The following LOXL2 variants were observed in gnomAD, a reference collection of about 807,000 sequenced individuals.
The protein encoded by LOXL2 is lysyl oxidase homolog 2.
LOXL2 carries 70 observed loss-of-function variants against 93.0 expected under a neutral mutation model. The ratio of observed to expected loss-of-function variants is 0.75; its 90% CI spans 0.62 to 0.92. The LOEUF (loss-of-function observed/expected upper bound fraction) is 0.92, where lower values mean the gene tolerates loss of function less well. Ranked by LOEUF, LOXL2 falls within the 40% of genes least tolerant of loss-of-function variation. LOXL2 has a pLI of 0.00. For missense variants in LOXL2, 973 were observed against 1,054.9 expected, an observed-to-expected ratio of 0.92 and a Z score of 1.08; for synonymous variants, 438 against 413.2, an observed-to-expected ratio of 1.06 and a Z score of -0.73.
At chr8:23,353,819 G>T (rs1019187364) in intron 3 of LOXL2, among the ~76,000 whole-genome samples, 1 of 152,154 alleles carries the variant, frequency 6.6e-6, no homozygotes, top group African/African-American at 2.4e-5. Context: ...AGAAACCATT[G>T]CCACTGAACT....
At chr8:23,324,835 G>T (rs1413007116) in intron 6 of LOXL2, among the ~76,000 whole-genome samples, 1 of 152,218 alleles carries the variant, frequency 6.6e-6, no homozygotes, top group African/African-American at 2.4e-5. Context: ...AAGCACAAGA[G>T]AACAGAATAG....
At chr8:23,312,880 T>C (rs1434228791) in intron 9 of LOXL2, among the ~76,000 whole-genome samples, 1 of 115,008 alleles carries the variant, frequency 8.7e-6, no homozygotes, top group African/African-American at 3.5e-5. Context: ...GCAGACTACA[T>C]GATTGTATAT....
At chr8:23,354,229 A>C (rs1171065636) in intron 3 of LOXL2, among the ~76,000 whole-genome samples, 1 of 152,186 alleles carries the variant, frequency 6.6e-6, no homozygotes, top group Non-Finnish European at 1.5e-5. Context: ...ATGATCTGTG[A>C]CCTGTCCCCA....
intron 1 of LOXL2, among the ~76,000 whole-genome samples, chr8:23,403,285 G>T (rs974550776): frequency 2.0e-5 from 3 of 152,202 alleles, no homozygotes; most frequent in Non-Finnish European, 2.9e-5. Flanking sequence ...GCGGGAGAGG[G>T]TCCCTGGTCC....
In LOXL2 at chr8:23,309,808, G is replaced by A. The variant is rs1417308396; in HGVS notation, c.1740C>T (p.Leu580=). The A allele has an allele frequency of 1.2e-6, 2 of 1,604,172 alleles. No homozygotes were observed. Among genetic ancestry groups the A allele is most frequent in the Admixed American group, 3.4e-5 (2 of 58,314 alleles). Residue 580 remains leucine (L), a synonymous_variant, in exon 10 of 14, where the codon CTC becomes CTT. Transcript: ENST00000389131. ...MLQCAMEENC[L]SASAAQTDPT... ...GGTCGGTCTGCGCGGCTGAGGCCGA[G>A]AGGCAGTTCTCCTCCATGGCACACT...
At chr8:23,322,347 A>G in intron 6 of LOXL2, 66 bp from the exon 7 acceptor site, 2 of 1,463,228 alleles carry the variant, frequency 1.4e-6, no homozygotes, top group East Asian at 2.3e-5. Context: ...GTGGCAAGAA[A>G]GCCCTGGACA....
intron 5 of LOXL2, among the ~76,000 whole-genome samples, chr8:23,330,053 C>T (rs1461112905): frequency 2.6e-5 from 4 of 152,196 alleles, no homozygotes; most frequent in Non-Finnish European, 4.4e-5. Flanking sequence ...GGGCCAGGTG[C>T]GGTGGCTCAC....
intron 12 of LOXL2, among the ~76,000 whole-genome samples, chr8:23,301,046 A>G (rs1803122333): frequency 6.6e-6 from 1 of 152,180 alleles, no homozygotes; most frequent in Non-Finnish European, 1.5e-5. Context: ...CTCTGTGGTG[A>G]CTTCTCTGAA....
In LOXL2 at chr8:23,307,802, C is replaced by A. The variant is rs79234646; in HGVS notation, c.1880+1866G>T. On this transcript the variant is annotated intron_variant, in intron 10 of 13. Coordinates refer to ENST00000389131, the MANE Select transcript of LOXL2 (RefSeq NM_002318.3). The stretch of plus-strand genomic sequence containing the variant: ...AGCCTGCTTCTCTATAAAGACCACA[C>A]CTTCTTGGGCTAATTAGGACGTTCA... Among the ~76,000 whole-genome samples, 623 of 152,220 alleles carry A rather than the reference C, an allele frequency of 4.1e-3. 7 individuals are homozygous for A. The highest frequency in any genetic ancestry group is 0.014 in the African/African-American group (584 of 41,528).
At position 23,297,192 on chromosome 8, in the gene LOXL2, TTC is replaced by T. The variant is rs369003563; in HGVS notation, c.*849_*850del. The T allele has an allele frequency of 6.1e-4, 93 of 152,286 alleles. No individual in the cohort carries two copies. Among genetic ancestry groups the T allele is most frequent in the African/African-American group, 2.1e-3 (89 of 41,552 alleles). The allele number at this position is 152,286 out of a possible 1,614,324, so 9.4% of individuals were successfully genotyped here. ...AAACACAGACACGTTTCATAAATCTTTCTTTTATTCCAAGTTTCAAGTATGTG... is the reference window on the plus strand; with the variant it reads ...AAACACAGACACGTTTCATAAATCTTTTTTATTCCAAGTTTCAAGTATGTG... On this transcript the variant is annotated 3_prime_UTR_variant, in exon 14 of 14. Coordinates refer to ENST00000389131, the MANE Select transcript of LOXL2 (RefSeq NM_002318.3).
At chr8:23,339,805 G>A (rs1180733041) in intron 4 of LOXL2, among the ~76,000 whole-genome samples, 1 of 152,242 alleles carries the variant, frequency 6.6e-6, no homozygotes, top group African/African-American at 2.4e-5. Context: ...ATCATGGCCA[G>A]CCTGGGGTGT....
chr8:23,303,279 T>C lies in LOXL2; in HGVS notation c.1996+3A>G, dbSNP rs779295265. 3.6e-5 allele frequency: 58 copies of C among 1,596,052 alleles called. No individual in the cohort carries two copies. Among genetic ancestry groups the C allele is most frequent in the Non-Finnish European group, 4.4e-5 (51 of 1,164,016 alleles). ...CTCCCATCCCCCCACTCCGCTCAGATACCTCCTTCACATTCTGTGTCCTCC... is the reference window on the plus strand; with the variant it reads ...CTCCCATCCCCCCACTCCGCTCAGACACCTCCTTCACATTCTGTGTCCTCC... On this transcript the variant is annotated splice_donor_region_variant and intron_variant, in intron 11 of 13. Coordinates refer to ENST00000389131, the MANE Select transcript of LOXL2 (RefSeq NM_002318.3).
At chr8:23,398,481 CAAG>C (rs1302518776) in intron 1 of LOXL2, among the ~76,000 whole-genome samples, 1 of 152,174 alleles carries the variant, frequency 6.6e-6, no homozygotes, top group Non-Finnish European at 1.5e-5. Context: ...AAGCCCTGGA[CAAG>C]AAGAACCTAC....
Position 23,297,706 on chromosome 8 carries a change from G to C in LOXL2, c.*337C>G, listed in dbSNP as rs1803058743. ...AGAAGAGCGCGGCTCCACTGTGTCT[G>C]TGGTGAGCTCGGTGGCTTGAATGGG... On this transcript the variant is annotated 3_prime_UTR_variant, in exon 14 of 14. Coordinates refer to ENST00000389131, the MANE Select transcript of LOXL2 (RefSeq NM_002318.3). 4.0e-6 allele frequency: 1 copy of C among 251,040 alleles called. No homozygotes were observed. The highest frequency in any genetic ancestry group is 7.3e-5 in the South Asian group (1 of 13,610). 15.6% of individuals were successfully genotyped at this position (251,040 alleles called of 1,614,324 possible).
Position 23,302,010 on chromosome 8 carries a change from C to T in LOXL2, c.2133+17G>A. 2 of 1,613,864 alleles carry T rather than the reference C, an allele frequency of 1.2e-6. No homozygotes were observed. The highest frequency in any genetic ancestry group is 1.7e-6 in the Non-Finnish European group (2 of 1,179,810). On this transcript the variant is annotated intron_variant, in intron 12 of 13. Transcript: ENST00000389131. ...TCCTCCCCCTGCAGGGCTGGAACCC[C>T]TTCCCACCCACCTCACCTGGAACAG...
intron 10 of LOXL2, 77 bp downstream of exon 10, chr8:23,309,591 C>A (rs1483992833): frequency 2.3e-6 from 3 of 1,328,148 alleles, no homozygotes; most frequent in Non-Finnish European, 2.9e-6. Context: ...GTGACCCTGG[C>A]AACTCTCAAC....
Position 23,328,530 on chromosome 8 carries a change from G to C in LOXL2, c.1002C>G (p.Ile334Met), listed in dbSNP as rs754980655. The change falls in exon 6 of 14, where the codon ATC (isoleucine) becomes ATG (methionine). Residue 334 changes from isoleucine (I) to methionine (M), a missense_variant. Ile to Met is a conservative substitution (Grantham distance 10). Transcript: ENST00000389131. ...TGAGCACCTCCACGCGGCCCTCCCC[G>C]ATGTAGGCACCGCCTCTCAGTCGCA... The part of the protein sequence containing the change: ...PLVRLRGGAY[I>M]GEGRVEVLKN... 3.7e-6 allele frequency: 6 copies of C among 1,613,856 alleles called. No homozygotes were observed. In the African/African-American group the frequency reaches 6.7e-5, roughly 18 times the overall value.
In LOXL2 at chr8:23,317,050, G is replaced by A. The variant is rs755229911; in HGVS notation, c.1535C>T (p.Ser512Leu). Residue 512 changes from serine (S) to leucine (L), a missense_variant, in exon 9 of 14, where the codon TCG becomes TTG. By Grantham distance (145) the Ser-to-Leu change is moderately radical. Coordinates refer to ENST00000389131, the MANE Select transcript of LOXL2 (RefSeq NM_002318.3). ...NKVVMSGVKC[S>L]GTELSLAHCR... ...GTGCGCCAGGGACAGCTCCGTTCCC[G>A]AGCACTTCACTCCACTCATGACCAC... 2.4e-5 allele frequency: 39 copies of A among 1,614,064 alleles called. No individual in the cohort carries two copies. The highest frequency in any genetic ancestry group is 3.1e-5 in the Non-Finnish European group (37 of 1,180,028).
intron 1 of LOXL2, among the ~76,000 whole-genome samples, chr8:23,401,261 A>C (rs1800148617): frequency 6.6e-6 from 1 of 152,244 alleles, no homozygotes; most frequent in Admixed American, 6.5e-5. Flanking sequence ...GAAAGGAAGA[A>C]CATAACAATA....
Sources: allele counts gnomAD v4.1 joint callset (sites outside exome capture counted in the v4.1 genomes callset), GRCh38; gene constraint gnomAD v4.1.1; transcripts MANE v1.5; gene names NCBI Gene and HGNC (gene_info 2026-07-23, HGNC 2026-07-21).